PRKCQ: variants seen among roughly 807,000 people sequenced by gnomAD.
The protein encoded by PRKCQ is protein kinase C theta type.
A neutral mutation model predicts 91.2 loss-of-function variants in PRKCQ; 41 were observed. That is an observed-to-expected ratio of 0.45 (90% CI 0.35 to 0.58). The LOEUF is 0.58. Ranked by LOEUF, PRKCQ falls within the 20% of genes least tolerant of loss-of-function variation. The pLI, the probability that PRKCQ is intolerant of heterozygous loss-of-function variation, is 0.00. For synonymous variants in PRKCQ, 307 were observed against 316.9 expected, an observed-to-expected ratio of 0.97 and a Z score of 0.33; for missense variants, 673 against 896.5, an observed-to-expected ratio of 0.75 and a Z score of 3.18.
At chr10:6,503,274 AG>A (rs1162584236) in intron 4 of PRKCQ, among the ~76,000 whole-genome samples, 1 of 152,246 alleles carries the variant, frequency 6.6e-6, no homozygotes, top group Non-Finnish European at 1.5e-5. Context: ...GCTCTGAAAA[AG>A]CAAGTTCTGA....
chr10:6,404,025 G>T, the PRKCQ span, among the ~76,000 whole-genome samples: 2 of 151,980 alleles, frequency 1.3e-5, no homozygotes, highest in Non-Finnish European at 2.9e-5. Context: ...GGATACGAAG[G>T]CCTAAAAAGG....
At chr10:6,462,386 G>A (rs749686869) in intron 13 of PRKCQ, 21 bp from the exon 14 acceptor site, 13 of 1,610,516 alleles carry the variant, frequency 8.1e-6, no homozygotes, top group Non-Finnish European at 1.1e-5. Flanking sequence ...GAGAACCAAG[G>A]TTCAACATGA....
chr10:6,580,324 G>A (rs1263769899), upstream of PRKCQ: 13 of 148,732 alleles, frequency 8.7e-5, no homozygotes, highest in Middle Eastern at 3.4e-3. Flanking sequence ...TGGCGGGGCT[G>A]GCGGGCCCGG....
chr10:6,499,187 C>A (rs1310913569), intron 4 of PRKCQ, among the ~76,000 whole-genome samples: 1 of 152,124 alleles, frequency 6.6e-6, no homozygotes, highest in African/African-American at 2.4e-5. Flanking sequence ...GTGAAAAAGG[C>A]CAGAAAATTA....
At chr10:6,556,487 CA>C (rs1190833892) in intron 1 of PRKCQ, among the ~76,000 whole-genome samples, 4 of 146,226 alleles carry the variant, frequency 2.7e-5, no homozygotes, top group African/African-American at 1.0e-4. Context: ...CTGGAAGAGG[CA>C]AATTCATAGA....
chr10:6,515,006 C>T lies in PRKCQ; in HGVS notation c.118+12G>A, dbSNP rs752254276. The T allele has an allele frequency of 1.2e-5, 20 of 1,612,644 alleles. No individual in the cohort carries two copies. The highest frequency in any genetic ancestry group is 1.7e-5 in the Non-Finnish European group (20 of 1,179,834). On this transcript the variant is annotated intron_variant, in intron 2 of 17. Transcript: ENST00000263125. ...TCCTCCTCCCCCGCTTTGAAAATCC[C>T]CTCAAGCTTACCTGATTCGACATAC...
chr10:6,538,545 G>A (rs939312437), intron 1 of PRKCQ, among the ~76,000 whole-genome samples: 2 of 152,178 alleles, frequency 1.3e-5, no homozygotes, highest in African/African-American at 4.8e-5. Context: ...CCCCTCCCTG[G>A]CTCCTCCTGC....
intron 15 of PRKCQ, among the ~76,000 whole-genome samples, chr10:6,448,287 C>G (rs968606328): frequency 6.6e-6 from 1 of 152,180 alleles, no homozygotes; most frequent in Non-Finnish European, 1.5e-5. Flanking sequence ...GGGAAGGGAA[C>G]AGCAGGTGAT....
chr10:6,462,432 G>C (rs530889482), intron 13 of PRKCQ, 67 bp from the exon 14 acceptor site: 2 of 1,468,490 alleles, frequency 1.4e-6, no homozygotes, highest in South Asian at 2.3e-5. Context: ...CCCAAACCCA[G>C]ACTGACCTTT....
At chr10:6,520,563 C>T (rs1177898148) in intron 1 of PRKCQ, among the ~76,000 whole-genome samples, 1 of 152,182 alleles carries the variant, frequency 6.6e-6, no homozygotes, top group Non-Finnish European at 1.5e-5. Flanking sequence ...TGGAACGCCT[C>T]CCTGTTTCAC....
chr10:6,417,431 G>T, the PRKCQ span, among the ~76,000 whole-genome samples: 4 of 152,202 alleles, frequency 2.6e-5, 1 homozygote, highest in African/African-American at 9.7e-5. Flanking sequence ...ACATGCACCT[G>T]CAGAGAAATT....
chr10:6,521,249 G>A (rs1362132296), intron 1 of PRKCQ, among the ~76,000 whole-genome samples: 1 of 152,112 alleles, frequency 6.6e-6, no homozygotes, highest in Non-Finnish European at 1.5e-5. Flanking sequence ...TTTTGCTTAG[G>A]GAGTTCATTT....
At position 6,538,260 on chromosome 10, in the gene PRKCQ, C is replaced by T. The variant is rs144691456; in HGVS notation, c.-9-23116G>A. ...GCCTGGAGGTGGGTGAGCTTGGAGG[C>T]GGCATTGTCAGAAGACGGGTATGCC... On this transcript the variant is annotated intron_variant, in intron 1 of 17. Transcript: ENST00000263125. 5.7e-3 allele frequency among the ~76,000 whole-genome samples: 861 copies of T among 152,326 alleles called. 9 individuals carry two copies. The highest frequency in any genetic ancestry group is 0.019 in the African/African-American group (810 of 41,574).
At chr10:6,487,024 G>A (rs1023908735) in intron 8 of PRKCQ, among the ~76,000 whole-genome samples, 15 of 152,172 alleles carry the variant, frequency 9.9e-5, no homozygotes, top group Non-Finnish European at 2.1e-4. Flanking sequence ...ACACGGTGTG[G>A]AAACATAAAG....
At chr10:6,441,597 G>T (rs932815202) in intron 16 of PRKCQ, among the ~76,000 whole-genome samples, 7 of 152,192 alleles carry the variant, frequency 4.6e-5, no homozygotes, top group East Asian at 1.9e-4. Context: ...CACACACTGT[G>T]CTTGTTTAAT....
chr10:6,428,312 C>T lies in PRKCQ; in HGVS notation c.2016G>A (p.Lys672=). Residue 672 remains lysine (K), a synonymous_variant, in exon 18 of 18, where the codon AAG becomes AAA. Coordinates refer to ENST00000263125, the MANE Select transcript of PRKCQ (RefSeq NM_006257.5). The stretch of plus-strand genomic sequence containing the variant: ...CTCTGTCGGCAAATGACAGCCGGGG[C>T]TTCTCGTTTAAGAATTCTTTGTCGA... ...SNFDKEFLNE[K]PRLSFADRAL... 6.2e-7 allele frequency: 1 copy of T among 1,614,062 alleles called. No individual in the cohort carries two copies. The highest frequency in any genetic ancestry group is 2.2e-5 in the East Asian group (1 of 44,878).
intron 3 of PRKCQ, 80 bp downstream of exon 3, chr10:6,510,915 G>A: frequency 6.5e-7 from 1 of 1,547,976 alleles, no homozygotes; most frequent in Non-Finnish European, 8.9e-7. Flanking sequence ...CACACCCTCA[G>A]ATTGACATGG....
chr10:6,548,087 C>G (rs1206276007), intron 1 of PRKCQ, among the ~76,000 whole-genome samples: 2 of 152,206 alleles, frequency 1.3e-5, no homozygotes, highest in Non-Finnish European at 2.9e-5. Flanking sequence ...TGAGCAGACA[C>G]TTCTCAAAAG....
chr10:6,537,227 T>A (rs1037041382), intron 1 of PRKCQ, among the ~76,000 whole-genome samples: 1 of 152,212 alleles, frequency 6.6e-6, no homozygotes, highest in Non-Finnish European at 1.5e-5. Context: ...TTTCATCTTG[T>A]TCTAAAAGGA....
Sources: gnomAD v4.1 joint callset for allele counts (sites outside exome capture counted in the v4.1 genomes callset) on GRCh38, gnomAD v4.1.1 for gene constraint, MANE v1.5 for transcripts, NCBI Gene and HGNC (gene_info 2026-07-23, HGNC 2026-07-21) for gene names.